The following SUGCT variants were observed in gnomAD, a reference collection of about 807,000 sequenced individuals.
SUGCT encodes the protein succinyl-CoA:glutarate CoA-transferase.
SUGCT carries 41 observed loss-of-function variants against 55.0 expected under a neutral mutation model. The observed-to-expected ratio is 0.74, with a 90% CI of 0.58 to 0.97. The LOEUF (loss-of-function observed/expected upper bound fraction) is 0.97. Ranked by LOEUF, SUGCT falls within the 50% of genes least tolerant of loss-of-function variation. The pLI, the probability that SUGCT is intolerant of heterozygous loss-of-function variation, is 0.00. For synonymous variants in SUGCT, 187 were observed against 200.4 expected (o/e 0.93, Z 0.56); for missense variants, 568 against 547.8 (o/e 1.04, Z -0.37).
intron 13 of SUGCT, among the ~76,000 whole-genome samples, chr7:40,848,065 G>A (rs528524133): frequency 2.6e-5 from 4 of 152,304 alleles, no homozygotes; most frequent in Admixed American, 1.3e-4. Flanking sequence ...GGCCTGCAAT[G>A]TAAGTCTAGC....
chr7:40,918,096 C>A, the SUGCT span, among the ~76,000 whole-genome samples: 1 of 152,056 alleles, frequency 6.6e-6, no homozygotes, highest in African/African-American at 2.4e-5. Context: ...AGCCTAGAGG[C>A]AGGAGAATAA....
intron 9 of SUGCT, among the ~76,000 whole-genome samples, chr7:40,359,063 G>T (rs924208257): frequency 1.3e-5 from 2 of 152,124 alleles, no homozygotes; most frequent in African/African-American, 4.8e-5. Flanking sequence ...ATCACTTTTG[G>T]CATGGGGCTG....
intron 12 of SUGCT, among the ~76,000 whole-genome samples, chr7:40,511,133 C>T (rs1024697594): frequency 6.6e-6 from 1 of 152,096 alleles, no homozygotes; most frequent in Non-Finnish European, 1.5e-5. Flanking sequence ...AAGTAATAAC[C>T]TTACTGTGGA....
At chr7:40,850,828 A>T (rs1308116164) in intron 13 of SUGCT, among the ~76,000 whole-genome samples, 1 of 152,214 alleles carries the variant, frequency 6.6e-6, no homozygotes, top group Admixed American at 6.5e-5. Flanking sequence ...AAATGCAGCT[A>T]ACTTGCTAAT....
intron 6 of SUGCT, among the ~76,000 whole-genome samples, chr7:40,222,986 T>TTCC (rs1788107545): frequency 1.1e-5 from 1 of 94,000 alleles, no homozygotes; most frequent in Non-Finnish European, 2.2e-5. Context: ...TTTTCATTTC[T>TTCC]TTCCTTCCTT....
At chr7:40,322,143 T>C (rs1354539417) in intron 9 of SUGCT, among the ~76,000 whole-genome samples, 1 of 152,186 alleles carries the variant, frequency 6.6e-6, no homozygotes, top group Non-Finnish European at 1.5e-5. Flanking sequence ...GTACCCAGTC[T>C]TACAACAGGA....
chr7:40,449,248 C>A, intron 9 of SUGCT, 39 bp from the exon 10 acceptor site: 1 of 1,408,316 alleles, frequency 7.1e-7, no homozygotes, highest in Non-Finnish European at 9.9e-7. Context: ...GTCTTGTCAA[C>A]ATATAAATAA....
intron 12 of SUGCT, among the ~76,000 whole-genome samples, chr7:40,724,061 T>C (rs531167120): frequency 7.2e-5 from 11 of 152,312 alleles, no homozygotes; most frequent in South Asian, 6.2e-4. Context: ...AATGAAAAGA[T>C]ATTTATGCTA....
chr7:40,424,106 C>T (rs1229929584), intron 9 of SUGCT, among the ~76,000 whole-genome samples: 1 of 152,034 alleles, frequency 6.6e-6, no homozygotes, highest in African/African-American at 2.4e-5. Context: ...CATACTCTGC[C>T]GTGGTTGGAT....
At chr7:40,970,512 A>C in the SUGCT span, among the ~76,000 whole-genome samples, 2 of 152,154 alleles carry the variant, frequency 1.3e-5, no homozygotes, top group Non-Finnish European at 2.9e-5. Flanking sequence ...TCATTCAGGT[A>C]TAGATTTTCT....
chr7:40,314,090 G>T (rs1360683905), intron 8 of SUGCT, among the ~76,000 whole-genome samples: 1 of 152,078 alleles, frequency 6.6e-6, no homozygotes, highest in African/African-American at 2.4e-5. Context: ...AAATGGGGCA[G>T]GTCAGAAACA....
Position 40,316,830 on chromosome 7 carries a change from C to T in SUGCT, c.791C>T (p.Ala264Val). ...GQKEAKRWGT[A>V]HGSIVPYQAF... ...AAGGAAGCAAAACGTTGGGGTACAG[C>T]TCATGGCAGTATCGTTCCTTACCAG... Residue 264 changes from alanine to valine, a missense_variant, in exon 9 of 14, where the codon GCT (alanine) becomes GTT (valine). Ala to Val is a moderately conservative substitution (Grantham distance 64, BLOSUM62 0). Transcript: ENST00000335693. 6.3e-7 allele frequency: 1 copy of T among 1,595,938 alleles called. No individual in the cohort carries two copies. The highest frequency in any genetic ancestry group is 8.5e-7 in the Non-Finnish European group (1 of 1,170,112).
intron 3 of SUGCT, 107 bp from the exon 4 acceptor site, chr7:40,188,388 C>G (rs1332596147): frequency 1.4e-6 from 1 of 737,004 alleles, no homozygotes; most frequent in African/African-American, 2.0e-5. Context: ...GAGCAGAGAT[C>G]GTTCCTCTGC....
At chr7:40,391,913 A>C (rs1331347895) in intron 9 of SUGCT, among the ~76,000 whole-genome samples, 1 of 152,236 alleles carries the variant, frequency 6.6e-6, no homozygotes, top group Non-Finnish European at 1.5e-5. Context: ...GACTGGATTA[A>C]GAAAATATGA....
At chr7:40,543,000 G>A (rs1226992755) in intron 12 of SUGCT, among the ~76,000 whole-genome samples, 1 of 152,170 alleles carries the variant, frequency 6.6e-6, no homozygotes, top group Non-Finnish European at 1.5e-5. Flanking sequence ...AATTGCTATG[G>A]CTGTGTCTTA....
chr7:40,216,103 G>A lies in SUGCT; in HGVS notation c.484+21043G>A, dbSNP rs572537059. 7.4e-5 allele frequency among the ~76,000 whole-genome samples: 11 copies of A among 147,934 alleles called. No individual in the cohort carries two copies. In the East Asian group the frequency reaches 2.2e-3, roughly 29 times the overall value. On this transcript the variant is annotated intron_variant, in intron 6 of 13. Coordinates refer to ENST00000335693, the MANE Select transcript of SUGCT (RefSeq NM_001193313.2). Reference sequence around the variant, plus strand: ...TTTACTTACAGCTCTCATCCACAGAGAAAGGCTTTTTTTTTTTTTTTTAAC... The same window carrying A: ...TTTACTTACAGCTCTCATCCACAGAAAAAGGCTTTTTTTTTTTTTTTTAAC...
At chr7:40,494,325 C>A (rs1791858959) in intron 11 of SUGCT, among the ~76,000 whole-genome samples, 1 of 152,178 alleles carries the variant, frequency 6.6e-6, no homozygotes, top group African/African-American at 2.4e-5. Flanking sequence ...TTCAAAGTAT[C>A]TCTTTTATTC....
At chr7:40,789,248 T>C (rs1272731348) in intron 13 of SUGCT, among the ~76,000 whole-genome samples, 1 of 152,222 alleles carries the variant, frequency 6.6e-6, no homozygotes, top group Non-Finnish European at 1.5e-5. Flanking sequence ...TTTATGCCCA[T>C]TGATTAGCAA....
the SUGCT span, among the ~76,000 whole-genome samples, chr7:41,013,954 C>T: frequency 2.6e-5 from 4 of 152,090 alleles, no homozygotes; most frequent in African/African-American, 4.8e-5. Flanking sequence ...AACAATTGGA[C>T]TGAACCCACA....
Sources: allele counts gnomAD v4.1 joint callset (sites outside exome capture counted in the v4.1 genomes callset), GRCh38; gene constraint gnomAD v4.1.1; transcripts MANE v1.5; gene names NCBI Gene and HGNC (gene_info 2026-07-23, HGNC 2026-07-21).